PRRC2B: variants seen among roughly 807,000 people sequenced by gnomAD.
PRRC2B encodes the protein protein PRRC2B.
Under a neutral mutation model 242.3 loss-of-function variants are expected in PRRC2B, and 68 were observed. The observed-to-expected ratio is 0.28, with a 90% confidence interval of 0.23 to 0.34. The LOEUF is 0.34. Ranked by LOEUF, PRRC2B falls within the 10% of genes least tolerant of loss-of-function variation. The pLI is 1.00. For synonymous variants in PRRC2B, 1,228 were observed against 1,173.6 expected (o/e 1.05, Z -0.95); for missense variants, 2,835 against 2,954.8 (o/e 0.96, Z 0.94).
At chr9:131,414,596 G>A (rs1311827413) in intron 1 of PRRC2B, among the ~76,000 whole-genome samples, 1 of 147,124 alleles carries the variant, frequency 6.8e-6, no homozygotes, top group African/African-American at 2.5e-5. Context: ...TGGAGATGGA[G>A]TCTCTGCTGT....
chr9:131,396,880 GACCCAGGTC>G (rs1462443275), intron 1 of PRRC2B, among the ~76,000 whole-genome samples: 1 of 152,178 alleles, frequency 6.6e-6, no homozygotes, highest in Non-Finnish European at 1.5e-5. Context: ...TGAGGACTGA[GACCCAGGTC>G]ACCTCTTGGC....
chr9:131,394,502 G>A (rs1363144378), intron 1 of PRRC2B, among the ~76,000 whole-genome samples: 1 of 147,918 alleles, frequency 6.8e-6, no homozygotes, highest in Non-Finnish European at 1.5e-5. Flanking sequence ...GCTCGCCATT[G>A]TTGTGGCGGC....
intron 4 of PRRC2B, 98 bp downstream of exon 4, chr9:131,436,820 G>A: frequency 1.0e-6 from 1 of 960,284 alleles, no homozygotes; most frequent in Non-Finnish European, 1.6e-6. Context: ...TGAGAAGTGT[G>A]GTTGTGCATG....
At position 131,478,473 on chromosome 9, in the gene PRRC2B, G is replaced by C; in HGVS notation, c.4613-1G>C. 6.2e-7 allele frequency: 1 copy of C among 1,613,420 alleles called. No individual in the cohort carries two copies. The highest frequency in any genetic ancestry group is 8.5e-7 in the Non-Finnish European group (1 of 1,179,456). ...TTCCTTCTCGTGAAATCTTGGTTCAGGTGCCATCATTGAAAATTGCGGGTC... is the reference window on the plus strand; with the variant it reads ...TTCCTTCTCGTGAAATCTTGGTTCACGTGCCATCATTGAAAATTGCGGGTC... On this transcript the variant is annotated splice_acceptor_variant, in intron 17 of 31. Transcript: ENST00000683519. LOFTEE classifies it high-confidence loss of function.
At position 131,487,781 on chromosome 9, in the gene PRRC2B, G is replaced by T; in HGVS notation, c.5985-75G>T. The T allele has an allele frequency of 6.5e-7, 1 of 1,541,892 alleles. No individual in the cohort carries two copies. The highest frequency in any genetic ancestry group is 8.8e-7 in the Non-Finnish European group (1 of 1,138,690). Reference sequence around the variant, plus strand: ...TCTGTGGTTTAGCAAGCTCTCCGGGGATCTCTGAAGGGTGGGACCAGATCC... The same window carrying T: ...TCTGTGGTTTAGCAAGCTCTCCGGGTATCTCTGAAGGGTGGGACCAGATCC... On this transcript the variant is annotated intron_variant, in intron 27 of 31. Coordinates refer to ENST00000683519, the MANE Select transcript of PRRC2B (RefSeq NM_013318.4). The surrounding 1 kb of genome is among the most constrained non-coding windows in gnomAD (Gnocchi z 5.3).
rs1156336509 is a variant in PRRC2B at position 131,442,580 on chromosome 9, TTG to T, written c.470-1600_470-1599del. Among the ~76,000 whole-genome samples the T allele has an allele frequency of 2.0e-5, 3 of 152,264 alleles. No individual in the cohort carries two copies. The East Asian group carries it at 5.8e-4, about 29-fold the overall frequency. ...TGGCAAGCGAATTGCTGCCACGTGC[TTG>T]TGTGGTGATCCAGCCGCGCCTTTCC... On this transcript the variant is annotated intron_variant, in intron 5 of 31. Coordinates refer to ENST00000683519, the MANE Select transcript of PRRC2B (RefSeq NM_013318.4).
In PRRC2B at chr9:131,474,627, C is replaced by T; in HGVS notation, c.2498C>T (p.Pro833Leu). ...QRIGQELLFP[P>L]QENVQDAGAP... ...ATAGGCCAGGAGCTTTTGTTTCCAC[C>T]CCAAGAAAATGTTCAGGATGCAGGT... The change falls in exon 16 of 32, where the codon CCC becomes CTC. Residue 833 changes from proline to leucine, a missense_variant. This residue lies in a region of PRRC2B where 1,536 missense variants were observed against 1,483.1 expected (regional missense o/e 1.04). Transcript: ENST00000683519. 2 of 1,613,944 alleles carry T rather than the reference C, an allele frequency of 1.2e-6. No homozygotes were observed. The highest frequency in any genetic ancestry group is 1.7e-5 in the Admixed American group (1 of 60,018).
Position 131,476,309 on chromosome 9 carries a change from G to A in PRRC2B, c.4180G>A (p.Gly1394Arg). Residue 1394 changes from glycine (G) to arginine (R), a missense_variant, in exon 16 of 32, where the codon GGG (glycine) becomes AGG (arginine). Physicochemically the swap from Gly to Arg is moderately radical, Grantham distance 125. This residue lies in a region of PRRC2B where 1,536 missense variants were observed against 1,483.1 expected (regional missense o/e 1.04). Transcript: ENST00000683519. ...GCGGCGGGAGCGGCGGGAAGGCCCT[G>A]GGTCCGAGCCCGACTCCCAGGTGGA... The part of the protein sequence containing the change: ...SERRERREGP[G>R]SEPDSQVDGG... The A allele has an allele frequency of 6.3e-7, 1 of 1,581,304 alleles. No homozygotes were observed. The highest frequency in any genetic ancestry group is 8.6e-7 in the Non-Finnish European group (1 of 1,164,258).
Position 131,467,565 on chromosome 9 carries a change from T to C in PRRC2B, c.1723T>C (p.Ser575Pro). ...QENGPAVHKG[S>P]PEFPAQETPT... ...TTCTCTGCTGGTATATTCTCTAGGC[T>C]CCCCAGAATTCCCTGCCCAAGAGAC... The change falls in exon 13 of 32, where the codon TCC becomes CCC. Residue 575 changes from serine to proline, a missense_variant and splice_region_variant. Ser to Pro is a moderately conservative substitution (Grantham distance 74). Around this residue, in one of 7 missense-constraint regions of PRRC2B, gnomAD observed 1,536 missense variants for 1,483.1 expected, o/e 1.04. Coordinates refer to ENST00000683519, the MANE Select transcript of PRRC2B (RefSeq NM_013318.4). 2 of 1,600,078 alleles carry C rather than the reference T, an allele frequency of 1.2e-6. No individual in the cohort carries two copies. Among genetic ancestry groups the C allele is most frequent in the Non-Finnish European group, 1.7e-6 (2 of 1,173,184 alleles).
chr9:131,450,253 A>C (rs1245965904), intron 9 of PRRC2B, among the ~76,000 whole-genome samples: 1 of 151,914 alleles, frequency 6.6e-6, no homozygotes, highest in Non-Finnish European at 1.5e-5. Context: ...CAACATCGAT[A>C]AGTGACATCT....
In PRRC2B at chr9:131,376,122, G is replaced by A. The variant is rs111375765; in HGVS notation, c.-56+2391G>A. ...CCAGCACTTTGGAAGGCTGAGGCAG[G>A]TGGATCATCACCTGAGGTCAGGCGT... On this transcript the variant is annotated intron_variant, in intron 1 of 1. Coordinates refer to the PRRC2B transcript ENST00000682525. 2.5e-3 allele frequency among the ~76,000 whole-genome samples: 378 copies of A among 151,498 alleles called. 3 individuals are homozygous for A. Among genetic ancestry groups the A allele is most frequent in the African/African-American group, 8.7e-3 (359 of 41,252 alleles).
At chr9:131,427,911 A>AT (rs1265571266) in intron 1 of PRRC2B, among the ~76,000 whole-genome samples, 2 of 152,018 alleles carry the variant, frequency 1.3e-5, no homozygotes, top group East Asian at 1.9e-4. Flanking sequence ...CAAGTGTTTT[A>AT]TTTTTTTGTT....
At chr9:131,427,573 G>A (rs756302010) in intron 1 of PRRC2B, among the ~76,000 whole-genome samples, 1 of 152,132 alleles carries the variant, frequency 6.6e-6, no homozygotes, top group African/African-American at 2.4e-5. Flanking sequence ...CTAGTGATCT[G>A]CCTACCTCAG....
chr9:131,450,609 A>AT (rs1432400800), intron 9 of PRRC2B, among the ~76,000 whole-genome samples: 1 of 148,440 alleles, frequency 6.7e-6, no homozygotes, highest in Non-Finnish European at 1.5e-5. Flanking sequence ...TTTTTTGGAT[A>AT]TGGGGTCTCA....
intron 1 of PRRC2B, among the ~76,000 whole-genome samples, chr9:131,410,285 G>A (rs570730938): frequency 6.6e-6 from 1 of 152,326 alleles, no homozygotes; most frequent in African/African-American, 2.4e-5. Context: ...TGGGTGAGGA[G>A]CCCAGAGCTG....
chr9:131,399,541 T>C (rs567903775), intron 1 of PRRC2B, among the ~76,000 whole-genome samples: 2 of 151,886 alleles, frequency 1.3e-5, no homozygotes, highest in Admixed American at 1.3e-4. Flanking sequence ...ATCACGACAC[T>C]GCACTCTAGC....
chr9:131,398,337 G>A (rs1837126209), intron 1 of PRRC2B, among the ~76,000 whole-genome samples: 1 of 152,214 alleles, frequency 6.6e-6, no homozygotes, highest in South Asian at 2.1e-4. Flanking sequence ...TTTTCTGTGT[G>A]ACCTGAGAAG....
intron 13 of PRRC2B, among the ~76,000 whole-genome samples, chr9:131,468,197 C>T (rs1943447835): frequency 6.6e-6 from 1 of 152,196 alleles, no homozygotes; most frequent in South Asian, 2.1e-4. Context: ...AAGAGCTGCC[C>T]AAGAGAGGCA....
At chr9:131,420,470 T>TC (rs1301821440) in intron 1 of PRRC2B, among the ~76,000 whole-genome samples, 94 of 12,294 alleles carry the variant, frequency 7.6e-3, no homozygotes, top group Non-Finnish European at 0.016. Context: ...TCTTTCTTTC[T>TC]TTCTTTCTTT....
Sources: gnomAD v4.1 joint callset for allele counts (sites outside exome capture counted in the v4.1 genomes callset) on GRCh38, gnomAD v4.1.1 for gene constraint, gnomAD v4.1.1 regional missense constraint, Gnocchi (gnomAD v3.1) non-coding constraint, MANE v1.5 for transcripts, NCBI Gene and HGNC (gene_info 2026-07-23, HGNC 2026-07-21) for gene names.